The following SLIT2 variants were observed in gnomAD, a reference collection of about 807,000 sequenced individuals.
SLIT2 encodes slit guidance ligand 2.
A neutral mutation model predicts 185.7 loss-of-function variants in SLIT2; 41 were observed. The ratio of observed to expected loss-of-function variants is 0.22; its 90% CI spans 0.17 to 0.29. The LOEUF is 0.29. Among genes scored for constraint, SLIT2 ranks in the 10% least tolerant of loss-of-function variants. SLIT2 has a pLI of 1.00. For synonymous variants in SLIT2, 693 were observed against 680.2 expected (o/e 1.02, Z -0.29); for missense variants, 1,571 against 1,909.0 (o/e 0.82, Z 3.30).
chr4:20,590,283 C>T (rs1727418009), intron 30 of SLIT2, among the ~76,000 whole-genome samples: 1 of 152,104 alleles, frequency 6.6e-6, no homozygotes, highest in African/African-American at 2.4e-5. Flanking sequence ...GTGAAGTCAC[C>T]TAAGGCAATG....
At chr4:20,600,377 T>TATC (rs1158456676) in intron 33 of SLIT2, among the ~76,000 whole-genome samples, 1 of 151,686 alleles carries the variant, frequency 6.6e-6, no homozygotes, top group Non-Finnish European at 1.5e-5. Flanking sequence ...GGATGGAGTG[T>TATC]ATCTTGTGAC....
chr4:20,418,892 A>T (rs531771512), intron 4 of SLIT2, among the ~76,000 whole-genome samples: 1 of 152,330 alleles, frequency 6.6e-6, no homozygotes, highest in East Asian at 1.9e-4. Context: ...TTTCCAGCAT[A>T]TTAACTGTAC....
chr4:20,366,106 G>A (rs1052164960), intron 4 of SLIT2, among the ~76,000 whole-genome samples: 35 of 152,226 alleles, frequency 2.3e-4, no homozygotes, highest in South Asian at 8.3e-4. Flanking sequence ...GATATGCTCA[G>A]TGTTAACTCC....
chr4:20,389,184 C>T (rs1182126340), intron 4 of SLIT2, among the ~76,000 whole-genome samples: 12 of 151,002 alleles, frequency 7.9e-5, no homozygotes, highest in Non-Finnish European at 1.5e-4. Flanking sequence ...TGTAAATTGC[C>T]ATTAGAGATA....
Position 20,533,597 on chromosome 4 carries a change from G to T in SLIT2, c.1714G>T (p.Asp572Tyr). ...KINFSNNKIT[D>Y]IEEGAFEGAS... ...AAACTTTAGCAACAATAAGATCACAGATATTGAGGAGGGAGCATTTGAAGG... is the reference window on the plus strand; with the variant it reads ...AAACTTTAGCAACAATAAGATCACATATATTGAGGAGGGAGCATTTGAAGG... Residue 572 changes from aspartate to tyrosine, a missense_variant, in exon 18 of 37, where the codon GAT (aspartate) becomes TAT (tyrosine). By Grantham distance (160) the Asp-to-Tyr change is radical. This residue lies in a region of SLIT2 where 1,202 missense variants were observed against 1,416.4 expected (regional missense o/e 0.85). Transcript: ENST00000504154. 6.2e-7 allele frequency: 1 copy of T among 1,611,170 alleles called. No homozygotes were observed. Among genetic ancestry groups the T allele is most frequent in the South Asian group, 1.1e-5 (1 of 90,854 alleles).
intron 4 of SLIT2, among the ~76,000 whole-genome samples, chr4:20,336,489 C>T (rs887001556): frequency 9.2e-5 from 14 of 152,082 alleles, no homozygotes; most frequent in Non-Finnish European, 1.9e-4. Context: ...AATGAGAACA[C>T]TTGGACACAG....
At chr4:20,611,997 G>A (rs964296298) in intron 34 of SLIT2, among the ~76,000 whole-genome samples, 9 of 152,114 alleles carry the variant, frequency 5.9e-5, no homozygotes, top group South Asian at 2.1e-4. Flanking sequence ...TGGACTTTTC[G>A]TTCACTTGAT....
chr4:20,525,436 T>C (rs1356008123), intron 15 of SLIT2, among the ~76,000 whole-genome samples: 1 of 152,162 alleles, frequency 6.6e-6, no homozygotes, highest in African/African-American at 2.4e-5. Flanking sequence ...TCACAGTAGC[T>C]AAAATGTTTG....
At chr4:20,413,924 A>G (rs1727456602) in intron 4 of SLIT2, among the ~76,000 whole-genome samples, 1 of 152,052 alleles carries the variant, frequency 6.6e-6, no homozygotes, top group Admixed American at 6.6e-5. Flanking sequence ...TTAGTAAAGT[A>G]ATATTTGGTC....
At chr4:20,385,058 A>C (rs1724824946) in intron 4 of SLIT2, among the ~76,000 whole-genome samples, 1 of 152,078 alleles carries the variant, frequency 6.6e-6, no homozygotes, top group Non-Finnish European at 1.5e-5. Context: ...TGGGTATCTT[A>C]CAGTCTTAAC....
chr4:20,370,009 T>C (rs1016105455), intron 4 of SLIT2, among the ~76,000 whole-genome samples: 1 of 152,124 alleles, frequency 6.6e-6, no homozygotes, highest in African/African-American at 2.4e-5. Context: ...CTGCATCATA[T>C]GAGAATTTGT....
chr4:20,253,517 G>C lies in SLIT2; in HGVS notation c.-299G>C, dbSNP rs923564599. The C allele has an allele frequency of 1.2e-5, 5 of 403,312 alleles. No homozygotes were observed. Among genetic ancestry groups the C allele is most frequent in the Non-Finnish European group, 2.2e-5 (5 of 224,342 alleles). 25.0% of individuals were successfully genotyped at this position (403,312 alleles called of 1,614,324 possible). A position where few individuals can be genotyped will look rare whatever the true frequency, so the allele number is the denominator to read the frequency against. On this transcript the variant is annotated 5_prime_UTR_variant, in exon 1 of 37. Coordinates refer to ENST00000504154, the MANE Select transcript of SLIT2 (RefSeq NM_004787.4). ...CATCCTTGGGAGACAGAAGACGCGT[G>C]ATCTCCTCTCCGCTGCTCTTGGGGT...
intron 5 of SLIT2, among the ~76,000 whole-genome samples, chr4:20,475,023 C>A (rs1388244969): frequency 6.6e-6 from 1 of 151,704 alleles, no homozygotes; most frequent in Non-Finnish European, 1.5e-5. Context: ...AGACTCTTTC[C>A]TGAAAGAGCA....
intron 4 of SLIT2, among the ~76,000 whole-genome samples, chr4:20,290,486 A>G (rs904307318): frequency 2.6e-5 from 4 of 152,200 alleles, no homozygotes; most frequent in East Asian, 3.8e-4. Context: ...ATACTAGGCC[A>G]TGTAAGGGAC....
intron 4 of SLIT2, among the ~76,000 whole-genome samples, chr4:20,463,824 C>A (rs1031888357): frequency 6.8e-6 from 1 of 147,858 alleles, no homozygotes; most frequent in African/African-American, 2.5e-5. Context: ...TGCAGTGAGC[C>A]GAGATGGCGT....
chr4:20,325,333 G>C (rs752930594), intron 4 of SLIT2, among the ~76,000 whole-genome samples: 1 of 139,578 alleles, frequency 7.2e-6, no homozygotes, highest in Non-Finnish European at 1.5e-5. Context: ...GACCAACTCT[G>C]AGCCACTCAC....
At position 20,541,586 on chromosome 4, in the gene SLIT2, G is replaced by T; in HGVS notation, c.2110G>T (p.Asp704Tyr). 1 of 1,614,028 alleles carries T rather than the reference G, an allele frequency of 6.2e-7. No individual in the cohort carries two copies. The highest frequency in any genetic ancestry group is 8.5e-7 in the Non-Finnish European group (1 of 1,179,914). ...CTTCCTGAAAGAAATACCCATCCAG[G>T]ATGTGGCCATTCAGGACTTCACTTG... is the stretch of plus-strand genomic sequence containing the variant. ...PYFLKEIPIQ[D>Y]VAIQDFTCDD... is the part of the protein sequence containing the mutation. Residue 704 changes from aspartate (D) to tyrosine (Y), a missense_variant, in exon 20 of 37, where the codon GAT becomes TAT. Transcript: ENST00000504154.
intron 12 of SLIT2, 133 bp downstream of exon 12, chr4:20,519,586 G>C: frequency 3.3e-6 from 2 of 608,858 alleles, no homozygotes; most frequent in Non-Finnish European, 5.8e-6. Flanking sequence ...GAAAAGAGTA[G>C]TCCAGTCAAG....
intron 3 of SLIT2, among the ~76,000 whole-genome samples, chr4:20,261,863 A>T (rs1712513485): frequency 6.6e-6 from 1 of 151,800 alleles, no homozygotes; most frequent in South Asian, 2.1e-4. Context: ...AAAGGCAGGC[A>T]TGTGGAGTGT....
Sources: allele counts gnomAD v4.1 joint callset (sites outside exome capture counted in the v4.1 genomes callset), GRCh38; gene constraint gnomAD v4.1.1; regional missense constraint gnomAD v4.1.1; transcripts MANE v1.5; gene names NCBI Gene and HGNC (gene_info 2026-07-23, HGNC 2026-07-21).